Variants in RPS6KC1 observed in about 807,000 individuals in gnomAD.
The protein encoded by RPS6KC1 is inactive ribosomal protein S6 kinase delta-1.
RPS6KC1 carries 54 observed loss-of-function variants against 103.8 expected under a neutral mutation model. That is an observed-to-expected ratio of 0.52 (90% CI 0.42 to 0.65). The LOEUF is 0.65. Among genes scored for constraint, RPS6KC1 ranks in the 30% least tolerant of loss-of-function variants. The pLI is 0.00. For synonymous variants in RPS6KC1, 439 were observed against 438.7 expected (o/e 1.00, Z -0.01); for missense variants, 1,151 against 1,253.8 (o/e 0.92, Z 1.24).
chr1:213,188,406 T>C (rs2092619647), intron 8 of RPS6KC1, among the ~76,000 whole-genome samples: 1 of 152,026 alleles, frequency 6.6e-6, no homozygotes, highest in South Asian at 2.1e-4. Flanking sequence ...TGTTCAGAGT[T>C]GTTTTTTGTT....
the RPS6KC1 span, among the ~76,000 whole-genome samples, chr1:213,678,383 C>G: frequency 2.6e-5 from 4 of 152,240 alleles, no homozygotes; most frequent in Non-Finnish European, 4.4e-5. Context: ...GTCCTGCTCA[C>G]AGTAGGCACT....
the RPS6KC1 span, among the ~76,000 whole-genome samples, chr1:213,793,962 C>G: frequency 6.6e-6 from 1 of 152,056 alleles, no homozygotes; most frequent in African/African-American, 2.4e-5. Context: ...TTATCACAGG[C>G]TGTGTCTTTC....
chr1:213,515,391 TG>T, the RPS6KC1 span, among the ~76,000 whole-genome samples: 1 of 152,244 alleles, frequency 6.6e-6, no homozygotes, highest in Non-Finnish European at 1.5e-5. Flanking sequence ...TAATCCATCT[TG>T]AATTAATTTT....
chr1:213,660,287 T>C, the RPS6KC1 span, among the ~76,000 whole-genome samples: 3 of 152,156 alleles, frequency 2.0e-5, no homozygotes, highest in Non-Finnish European at 4.4e-5. Context: ...CTCTAGGGAA[T>C]GTAAAAAATG....
intron 10 of RPS6KC1, 132 bp from the exon 11 acceptor site, chr1:213,240,569 CA>C (rs2094327506): frequency 1.4e-6 from 1 of 729,912 alleles, no homozygotes; most frequent in Non-Finnish European, 2.3e-6. Context: ...TATCTTATGG[CA>C]CACGATATTA....
At chr1:213,553,920 G>C in the RPS6KC1 span, among the ~76,000 whole-genome samples, 1 of 151,974 alleles carries the variant, frequency 6.6e-6, no homozygotes, top group Non-Finnish European at 1.5e-5. Context: ...ATAGATTCTG[G>C]ATATTAGACC....
At chr1:213,405,304 C>T in the RPS6KC1 span, among the ~76,000 whole-genome samples, 64 of 152,362 alleles carry the variant, frequency 4.2e-4, no homozygotes, top group Admixed American at 1.4e-3. Context: ...GGCTCGAATC[C>T]GCTGAACCTG....
At chr1:213,110,157 T>C (rs1263721223) in intron 4 of RPS6KC1, among the ~76,000 whole-genome samples, 3 of 152,314 alleles carry the variant, frequency 2.0e-5, no homozygotes, top group Non-Finnish European at 2.9e-5. Flanking sequence ...TATGAACATA[T>C]TTTTAATAGC....
chr1:213,835,261 C>T, the RPS6KC1 span, among the ~76,000 whole-genome samples: 1 of 152,150 alleles, frequency 6.6e-6, no homozygotes, highest in Non-Finnish European at 1.5e-5. Flanking sequence ...CTTTGAATGG[C>T]AAGGACAAGT....
chr1:213,327,226 G>GAATGA, the RPS6KC1 span, among the ~76,000 whole-genome samples: 2 of 47,924 alleles, frequency 4.2e-5, no homozygotes, highest in Non-Finnish European at 1.1e-4. Flanking sequence ...AATGGGGAAA[G>GAATGA]AAAGAAAAGA....
the RPS6KC1 span, among the ~76,000 whole-genome samples, chr1:213,696,442 C>T: frequency 1.8e-3 from 252 of 140,402 alleles, no homozygotes; most frequent in Non-Finnish European, 2.5e-3. Flanking sequence ...GCGGAGACTG[C>T]GGTGAGCCGA....
At chr1:213,747,309 T>C in the RPS6KC1 span, among the ~76,000 whole-genome samples, 8 of 152,190 alleles carry the variant, frequency 5.3e-5, no homozygotes, top group Non-Finnish European at 7.4e-5. Flanking sequence ...TTATTGTTTT[T>C]AGCAATATGG....
the RPS6KC1 span, among the ~76,000 whole-genome samples, chr1:213,476,510 T>G: frequency 6.6e-6 from 1 of 152,202 alleles, no homozygotes; most frequent in Non-Finnish European, 1.5e-5. Flanking sequence ...CTCCCCTTTA[T>G]AAATCTTTCC....
chr1:213,196,433 G>A (rs2092951056), intron 8 of RPS6KC1, among the ~76,000 whole-genome samples: 1 of 152,082 alleles, frequency 6.6e-6, no homozygotes, highest in Non-Finnish European at 1.5e-5. Flanking sequence ...TCTCTGGCTT[G>A]TCTGTTTACT....
chr1:213,555,606 CAGTT>C, the RPS6KC1 span, among the ~76,000 whole-genome samples: 2 of 152,102 alleles, frequency 1.3e-5, no homozygotes, highest in African/African-American at 4.8e-5. Context: ...ATGTTTATAT[CAGTT>C]GGTTGATTAC....
chr1:213,162,627 C>G (rs779667785), intron 6 of RPS6KC1, among the ~76,000 whole-genome samples: 1 of 152,146 alleles, frequency 6.6e-6, no homozygotes. Context: ...TGGATTCTCT[C>G]TTTAAAATTG....
chr1:213,375,107 ATATACT>A, the RPS6KC1 span, among the ~76,000 whole-genome samples: 26 of 151,480 alleles, frequency 1.7e-4, no homozygotes, highest in South Asian at 8.3e-4. Flanking sequence ...ATATAAACAC[ATATACT>A]TATATATACA....
chr1:213,597,287 G>A, the RPS6KC1 span, among the ~76,000 whole-genome samples: 1 of 152,176 alleles, frequency 6.6e-6, no homozygotes, highest in Non-Finnish European at 1.5e-5. Flanking sequence ...GCATGTTTAA[G>A]GGATATCCTT....
At chr1:213,755,489 GC>G in the RPS6KC1 span, among the ~76,000 whole-genome samples, 27 of 152,188 alleles carry the variant, frequency 1.8e-4, no homozygotes, top group Non-Finnish European at 3.5e-4. Context: ...ACATTTGCAT[GC>G]CTCCACAGCA....
Sources: gnomAD v4.1 joint callset for allele counts (sites outside exome capture counted in the v4.1 genomes callset) on GRCh38, gnomAD v4.1.1 for gene constraint, MANE v1.5 for transcripts, NCBI Gene and HGNC (gene_info 2026-07-23, HGNC 2026-07-21) for gene names.